AVEN: variants seen among roughly 807,000 people sequenced by gnomAD.
AVEN encodes the protein apoptosis and caspase activation inhibitor.
AVEN carries 41 observed loss-of-function variants against 38.1 expected under a neutral mutation model. That is an observed-to-expected ratio of 1.08 (90% CI 0.84 to 1.40). The LOEUF (loss-of-function observed/expected upper bound fraction) is 1.40, where lower values mean the gene tolerates loss of function less well. Among genes scored for constraint, AVEN ranks in the 40% most tolerant of loss-of-function variants. The probability of loss-of-function intolerance (pLI) is 0.00; values close to 1 mark genes in which losing one functional copy is unlikely to be tolerated. For synonymous variants in AVEN, 206 were observed against 171.8 expected (o/e 1.20, Z -1.56); for missense variants, 605 against 438.8 (o/e 1.38, Z -3.38).
chr15:34,062,653 A>G, intron 5 of AVEN: 1 of 1,486,082 alleles, frequency 6.7e-7, no homozygotes, highest in Non-Finnish European at 9.1e-7. Flanking sequence ...ATGCTGGCCA[A>G]GAAGAGCTGA....
At chr15:33,960,184 CA>C (rs1895108947) in intron 2 of AVEN, among the ~76,000 whole-genome samples, 2 of 152,110 alleles carry the variant, frequency 1.3e-5, no homozygotes, top group Non-Finnish European at 2.9e-5. Flanking sequence ...TCTTTCAGCA[CA>C]GGGGGAGAGG....
intron 2 of AVEN, among the ~76,000 whole-genome samples, chr15:33,941,882 G>C (rs1223331638): frequency 6.6e-6 from 1 of 152,190 alleles, no homozygotes. Context: ...CAGCTTTCCA[G>C]TGTTTGCTTT....
intron 2 of AVEN, among the ~76,000 whole-genome samples, chr15:33,904,694 A>AAAAAAAT (rs1464894437): frequency 8.9e-6 from 1 of 112,746 alleles, no homozygotes; most frequent in African/African-American, 2.9e-5. Context: ...AAAAAAAAAA[A>AAAAAAAT]ATATATATAT....
At chr15:34,022,868 T>G (rs904494289) in intron 1 of AVEN, among the ~76,000 whole-genome samples, 6 of 152,220 alleles carry the variant, frequency 3.9e-5, no homozygotes, top group Non-Finnish European at 8.8e-5. Context: ...TGCTGAAAGC[T>G]TGCCTTTGGC....
chr15:33,891,289 T>C (rs1317743654), intron 2 of AVEN, among the ~76,000 whole-genome samples: 1 of 152,186 alleles, frequency 6.6e-6, no homozygotes, highest in East Asian at 1.9e-4. Flanking sequence ...ACGTGCAGGT[T>C]TGATATATAG....
At chr15:33,903,942 G>A (rs1040213816) in intron 2 of AVEN, among the ~76,000 whole-genome samples, 1 of 152,160 alleles carries the variant, frequency 6.6e-6, no homozygotes, top group African/African-American at 2.4e-5. Flanking sequence ...GCATGTTACT[G>A]TACTGAATAC....
At chr15:33,864,138 GTTCT>G, downstream of AVEN, 1 of 1,610,522 alleles carries the variant, frequency 6.2e-7, no homozygotes, top group Non-Finnish European at 8.5e-7. Context: ...CTCGTTCCAG[GTTCT>G]TTCTGATGTA....
At chr15:33,891,936 A>G (rs1404796615) in intron 2 of AVEN, among the ~76,000 whole-genome samples, 1 of 152,140 alleles carries the variant, frequency 6.6e-6, no homozygotes, top group Non-Finnish European at 1.5e-5. Flanking sequence ...CTGTCATGAG[A>G]TGGTATCTCA....
chr15:34,017,387 A>G (rs1649053812), intron 1 of AVEN, among the ~76,000 whole-genome samples: 1 of 152,040 alleles, frequency 6.6e-6, no homozygotes, highest in African/African-American at 2.4e-5. Context: ...TCAATCACCT[A>G]AGATTTTTCA....
intron 2 of AVEN, among the ~76,000 whole-genome samples, chr15:33,891,582 G>C (rs1338137458): frequency 6.6e-6 from 1 of 152,150 alleles, no homozygotes; most frequent in Non-Finnish European, 1.5e-5. Flanking sequence ...TGGCTGCATA[G>C]TATTCCATGG....
At chr15:33,859,006 G>C (rs1483101938) in exon 12 of AVEN, 1 of 152,774 alleles carries the variant, frequency 6.5e-6, no homozygotes, top group Non-Finnish European at 1.5e-5. Context: ...GGTGTAAGAC[G>C]GTCCTTTCTC....
intron 2 of AVEN, among the ~76,000 whole-genome samples, chr15:33,964,468 T>G (rs966092963): frequency 1.3e-5 from 2 of 152,124 alleles, no homozygotes; most frequent in African/African-American, 4.8e-5. Flanking sequence ...AATTAGAAGA[T>G]AAAAATGCAA....
chr15:34,003,198 GTCA>G lies in AVEN; in HGVS notation c.276_278del (p.Asp93del). ...CTTCTCCATAGGTCTCTGCATCGCT[GTCA>G]TCTTCAACCTGCAATCATTAGAGAC... On this transcript the variant is annotated inframe_deletion, in exon 2 of 6. Coordinates refer to ENST00000306730, the MANE Select transcript of AVEN (RefSeq NM_020371.3). 1 of 1,613,118 alleles carries G rather than the reference GTCA, an allele frequency of 6.2e-7. No individual in the cohort carries two copies. Among genetic ancestry groups the G allele is most frequent in the Non-Finnish European group, 8.5e-7 (1 of 1,179,762 alleles).
chr15:33,921,055 C>T (rs575192609), intron 2 of AVEN, among the ~76,000 whole-genome samples: 1 of 152,178 alleles, frequency 6.6e-6, no homozygotes, highest in South Asian at 2.1e-4. Context: ...GGATTACTGG[C>T]GTGAGCTACC....
chr15:34,031,546 CA>C (rs1898826458), intron 1 of AVEN, among the ~76,000 whole-genome samples: 1 of 152,126 alleles, frequency 6.6e-6, no homozygotes, highest in Non-Finnish European at 1.5e-5. Context: ...AAATATGGAT[CA>C]GACAGATTCG....
chr15:33,936,892 G>A (rs1310547472), intron 2 of AVEN, among the ~76,000 whole-genome samples: 1 of 152,210 alleles, frequency 6.6e-6, no homozygotes, highest in Non-Finnish European at 1.5e-5. Flanking sequence ...AACACTTTGG[G>A]AGGCCGAGGC....
intron 2 of AVEN, among the ~76,000 whole-genome samples, chr15:33,877,606 G>C (rs536376592): frequency 6.6e-6 from 1 of 152,228 alleles, no homozygotes; most frequent in Non-Finnish European, 1.5e-5. Flanking sequence ...CTTGAGGTCA[G>C]GAGTTCAAGA....
At chr15:34,067,378 T>C (rs987531421) in intron 2 of AVEN, 5 of 152,212 alleles carry the variant, frequency 3.3e-5, no homozygotes, top group African/African-American at 1.2e-4. Flanking sequence ...AATACTGGAA[T>C]TACAGCAAAG....
chr15:33,902,345 C>A (rs180777460), intron 2 of AVEN, among the ~76,000 whole-genome samples: 1 of 152,204 alleles, frequency 6.6e-6, no homozygotes, highest in South Asian at 2.1e-4. Context: ...CCATGATCAT[C>A]TCAATGGATG....
Sources: allele counts gnomAD v4.1 joint callset (sites outside exome capture counted in the v4.1 genomes callset), GRCh38; gene constraint gnomAD v4.1.1; transcripts MANE v1.5; gene names NCBI Gene and HGNC (gene_info 2026-07-23, HGNC 2026-07-21).